Variants in TRERF1 observed in about 807,000 individuals in gnomAD.
The protein encoded by TRERF1 is transcriptional-regulating factor 1.
In TRERF1, 27 loss-of-function variants were observed where a neutral mutation model predicts 122.9. The ratio of observed to expected loss-of-function variants is 0.22; its 90% confidence interval spans 0.16 to 0.30. The LOEUF is 0.30. Ranked by LOEUF, TRERF1 falls within the 10% of genes least tolerant of loss-of-function variation. The pLI is 1.00. For missense variants in TRERF1, 1,248 were observed against 1,560.3 expected (o/e 0.80, Z 3.37); for synonymous variants, 636 against 641.7 (o/e 0.99, Z 0.13).
chr6:42,259,646 G>A lies in TRERF1; in HGVS notation c.1962C>T (p.Phe654=). The A allele has an allele frequency of 6.2e-7, 1 of 1,612,716 alleles. No homozygotes were observed. Residue 654 remains phenylalanine (F), a synonymous_variant, in exon 9 of 18, where the codon TTC becomes TTT. Coordinates refer to ENST00000372922, the Ensembl canonical transcript of TRERF1. The surrounding 1 kb of genome is among the most constrained non-coding windows in gnomAD (Gnocchi z 4.9). ...TGAAGAGAGGTTCCGGCCGGTGCCG[G>A]AACTTTTTCTTCTCCTGCACGGTCT...
At chr6:42,338,381 T>C (rs758973003) in intron 3 of TRERF1, among the ~76,000 whole-genome samples, 1 of 152,102 alleles carries the variant, frequency 6.6e-6, no homozygotes, top group South Asian at 2.1e-4. Context: ...GGGACGTGGG[T>C]AGGGGGATGC....
intron 4 of TRERF1, among the ~76,000 whole-genome samples, chr6:42,279,039 A>C (rs1781796573): frequency 6.6e-6 from 1 of 152,132 alleles, no homozygotes; most frequent in African/African-American, 2.4e-5. Context: ...CAATCTGGGG[A>C]GGAGGAGGCT....
intron 2 of TRERF1, among the ~76,000 whole-genome samples, chr6:42,374,094 T>C (rs1012934801): frequency 2.0e-4 from 30 of 147,748 alleles, no homozygotes; most frequent in Non-Finnish European, 3.9e-4. Context: ...GATGGCACCA[T>C]AGCCCTCCAG....
chr6:42,327,747 A>G (rs1242804387), intron 3 of TRERF1, among the ~76,000 whole-genome samples: 2 of 152,142 alleles, frequency 1.3e-5, no homozygotes, highest in Non-Finnish European at 2.9e-5. Flanking sequence ...AGGAGAGAGA[A>G]CAGTTGTTTT....
intron 2 of TRERF1, among the ~76,000 whole-genome samples, chr6:42,445,321 C>A (rs558968691): frequency 2.1e-4 from 32 of 150,130 alleles, no homozygotes; most frequent in South Asian, 2.1e-4. Flanking sequence ...ATTTTTCTGG[C>A]CTTATCAGCC....
intron 13 of TRERF1, among the ~76,000 whole-genome samples, chr6:42,247,433 T>C (rs1393167511): frequency 6.6e-6 from 1 of 152,164 alleles, no homozygotes; most frequent in African/African-American, 2.4e-5. Flanking sequence ...TCCTGTAAGA[T>C]TGTTAGGATG....
chr6:42,441,046 A>G (rs1369323227), intron 2 of TRERF1, among the ~76,000 whole-genome samples: 1 of 152,142 alleles, frequency 6.6e-6, no homozygotes, highest in Non-Finnish European at 1.5e-5. Context: ...AAGTAGACAT[A>G]TATTTTCAAT....
At chr6:42,251,807 G>A (rs1275423338) in intron 13 of TRERF1, among the ~76,000 whole-genome samples, 1 of 152,174 alleles carries the variant, frequency 6.6e-6, no homozygotes, top group East Asian at 1.9e-4. Context: ...AGGGTTTCAG[G>A]ACTAAGCAGG....
intron 2 of TRERF1, among the ~76,000 whole-genome samples, chr6:42,445,310 GATTTTTCTGGCCTTATC>G (rs1787279108): frequency 6.7e-6 from 1 of 149,916 alleles, no homozygotes; most frequent in Non-Finnish European, 1.5e-5. Flanking sequence ...ATCCAATGGT[GATTTTTCTGGCCTTATC>G]AGCCTCAGGA....
intron 2 of TRERF1, among the ~76,000 whole-genome samples, chr6:42,403,932 C>T (rs1355942627): frequency 6.8e-6 from 1 of 146,976 alleles, no homozygotes; most frequent in Non-Finnish European, 1.5e-5. Context: ...TTCCATGAGA[C>T]CCCCCCCAGG....
intron 15 of TRERF1, among the ~76,000 whole-genome samples, chr6:42,237,437 T>A (rs2149539110): frequency 6.6e-6 from 1 of 152,370 alleles, no homozygotes; most frequent in Non-Finnish European, 1.5e-5. Flanking sequence ...CCAATCAGCC[T>A]CATTTCAGCT....
chr6:42,240,237 C>T (rs143817845), intron 15 of TRERF1, among the ~76,000 whole-genome samples: 2,170 of 152,340 alleles, frequency 0.014, 26 homozygotes, highest in South Asian at 0.033. Flanking sequence ...AATATTCACT[C>T]ATTCATTTAA....
intron 7 of TRERF1, 35 bp downstream of exon 7, chr6:42,264,669 G>A (rs377150078): frequency 4.4e-6 from 7 of 1,605,808 alleles, no homozygotes; most frequent in East Asian, 4.5e-5. Context: ...AGCAGCACAC[G>A]ACCTAGAAAG....
At chr6:42,450,974 C>G (rs1336778410) in intron 2 of TRERF1, among the ~76,000 whole-genome samples, 2 of 152,172 alleles carry the variant, frequency 1.3e-5, no homozygotes, top group African/African-American at 4.8e-5. Flanking sequence ...CATCCCTCCC[C>G]CTTTGCTGGG....
intron 2 of TRERF1, among the ~76,000 whole-genome samples, chr6:42,406,260 G>A (rs1021138805): frequency 1.3e-5 from 2 of 152,174 alleles, no homozygotes; most frequent in Non-Finnish European, 2.9e-5. Context: ...AAATCAGTCA[G>A]ACCCCCTTCC....
chr6:42,376,536 C>CTTTTTTTTT (rs781389630), intron 2 of TRERF1, among the ~76,000 whole-genome samples: 6 of 96,302 alleles, frequency 6.2e-5, no homozygotes, highest in African/African-American at 1.3e-4. Context: ...TCGTCTAATT[C>CTTTTTTTTT]TTTTTTTTTT....
At position 42,232,804 on chromosome 6, in the gene TRERF1, G is replaced by C; in HGVS notation, c.3155C>G (p.Ser1052Cys). 1 of 1,613,334 alleles carries C rather than the reference G, an allele frequency of 6.2e-7. No homozygotes were observed. Among genetic ancestry groups the C allele is most frequent in the Non-Finnish European group, 8.5e-7 (1 of 1,179,640 alleles). The change falls in exon 17 of 18, where the codon TCT becomes TGT. Residue 1052 changes from serine (S) to cysteine (C), a missense_variant. Coordinates refer to ENST00000372922, the Ensembl canonical transcript of TRERF1. The surrounding 1 kb of genome is among the most constrained non-coding windows in gnomAD (Gnocchi z 4.5). The stretch of plus-strand genomic sequence containing the variant: ...GGTGCCACCAGGCTTCTGCTTCCCA[G>C]AGGGGATGGCACCTCGGGCCTTGGT...
At chr6:42,414,948 G>A (rs1781621537) in intron 2 of TRERF1, among the ~76,000 whole-genome samples, 1 of 152,184 alleles carries the variant, frequency 6.6e-6, no homozygotes, top group Admixed American at 6.5e-5. Flanking sequence ...TCTAAGAGAT[G>A]GGCATTCATA....
chr6:42,340,704 G>A (rs1250832481), intron 3 of TRERF1, among the ~76,000 whole-genome samples: 3 of 152,138 alleles, frequency 2.0e-5, no homozygotes, highest in Admixed American at 1.3e-4. Flanking sequence ...AGGCTCAAGC[G>A]ATCCTCCCAC....
Sources: allele counts gnomAD v4.1 joint callset (sites outside exome capture counted in the v4.1 genomes callset), GRCh38; gene constraint gnomAD v4.1.1; non-coding constraint Gnocchi (gnomAD v3.1); transcripts MANE v1.5; gene names NCBI Gene and HGNC (gene_info 2026-07-23, HGNC 2026-07-21).